Variants in BICC1 observed in about 807,000 individuals in gnomAD.
BICC1 encodes BicC family RNA binding protein 1.
A neutral mutation model predicts 111.0 loss-of-function variants in BICC1; 43 were observed. That is an observed-to-expected ratio of 0.39 (90% confidence interval 0.30 to 0.50). The LOEUF (loss-of-function observed/expected upper bound fraction) is 0.50. BICC1 is among the 20% of genes least tolerant of loss of function. The pLI is 0.88. For missense variants in BICC1, 1,091 were observed against 1,203.2 expected (o/e 0.91, Z 1.38); for synonymous variants, 467 against 434.4 (o/e 1.07, Z -0.93).
intron 3 of BICC1, among the ~76,000 whole-genome samples, chr10:58,713,554 A>T (rs1458800451): frequency 1.3e-5 from 2 of 152,344 alleles, no homozygotes; most frequent in South Asian, 2.1e-4. Context: ...ATTGTAAGTG[A>T]TGTAGTTTGG....
chr10:58,540,427 GAA>G (rs909441983), intron 1 of BICC1, among the ~76,000 whole-genome samples: 3 of 151,726 alleles, frequency 2.0e-5, no homozygotes, highest in African/African-American at 7.3e-5. Context: ...AGAAAAGAAA[GAA>G]GAGACATTAC....
At chr10:58,732,491 G>A (rs886938613) in intron 3 of BICC1, among the ~76,000 whole-genome samples, 1 of 144,138 alleles carries the variant, frequency 6.9e-6, no homozygotes, top group African/African-American at 2.6e-5. Context: ...AGTTAAGTTT[G>A]CCTTCTCAGC....
intron 1 of BICC1, among the ~76,000 whole-genome samples, chr10:58,591,722 T>C (rs957885485): frequency 5.9e-5 from 9 of 152,220 alleles, no homozygotes; most frequent in African/African-American, 2.2e-4. Flanking sequence ...TGCTGTGTGC[T>C]CTGTTCTCTC....
At chr10:58,598,945 A>G (rs1200314884) in intron 1 of BICC1, among the ~76,000 whole-genome samples, 1 of 152,244 alleles carries the variant, frequency 6.6e-6, no homozygotes, top group African/African-American at 2.4e-5. Context: ...AATCAAAACC[A>G]TAATGAGATA....
At chr10:58,533,920 C>G (rs1424118069) in intron 1 of BICC1, among the ~76,000 whole-genome samples, 4 of 151,876 alleles carry the variant, frequency 2.6e-5, no homozygotes, top group South Asian at 2.1e-4. Context: ...TAAGTTCTTA[C>G]CTATCAGTAA....
intron 1 of BICC1, among the ~76,000 whole-genome samples, chr10:58,587,023 C>G (rs2132028687): frequency 6.6e-6 from 1 of 152,240 alleles, no homozygotes; most frequent in East Asian, 1.9e-4. Context: ...TAAGAATGTT[C>G]TTTACTGTGG....
chr10:58,705,665 T>C lies in BICC1; in HGVS notation c.307+3522T>C, dbSNP rs182844214. 5.9e-5 allele frequency among the ~76,000 whole-genome samples: 9 copies of C among 152,362 alleles called. 1 individual carries two copies. Among genetic ancestry groups the C allele is most frequent in the African/African-American group, 2.2e-4 (9 of 41,592 alleles). On this transcript the variant is annotated intron_variant, in intron 3 of 20. Transcript: ENST00000373886. Reference sequence around the variant, plus strand: ...AGGGCATTTTAGGGAAGTGCATGTTTTGTGATATAAACTAAGGAACTATAG... The same window carrying C: ...AGGGCATTTTAGGGAAGTGCATGTTCTGTGATATAAACTAAGGAACTATAG...
intron 20 of BICC1, among the ~76,000 whole-genome samples, chr10:58,827,771 A>C (rs72804455): frequency 0.014 from 2,100 of 152,278 alleles, 29 homozygotes; most frequent in African/African-American, 0.036. Context: ...AAAAGCAAAA[A>C]TGGCAGACAG....
chr10:58,713,159 A>G (rs1297879916), intron 3 of BICC1, among the ~76,000 whole-genome samples: 1 of 152,132 alleles, frequency 6.6e-6, no homozygotes, highest in Admixed American at 6.5e-5. Context: ...AGTAAAACAC[A>G]CCCAGTTATT....
intron 3 of BICC1, among the ~76,000 whole-genome samples, chr10:58,783,328 T>C (rs2132776162): frequency 6.6e-6 from 1 of 152,308 alleles, no homozygotes; most frequent in South Asian, 2.1e-4. Flanking sequence ...TTCACCATCC[T>C]GGTCCTAGCA....
chr10:58,716,840 A>G (rs1312796238), intron 3 of BICC1, among the ~76,000 whole-genome samples: 1 of 151,368 alleles, frequency 6.6e-6, no homozygotes, highest in Non-Finnish European at 1.5e-5. Flanking sequence ...ATCCTCACAC[A>G]TCCTGTATTA....
At chr10:58,818,595 G>A (rs1213645840) in intron 19 of BICC1, among the ~76,000 whole-genome samples, 1 of 152,030 alleles carries the variant, frequency 6.6e-6, no homozygotes, top group African/African-American at 2.4e-5. Context: ...ACTGCCCATG[G>A]TCCAATAAAT....
chr10:58,676,295 G>T (rs988073176), intron 2 of BICC1, among the ~76,000 whole-genome samples: 4 of 152,160 alleles, frequency 2.6e-5, no homozygotes, highest in Non-Finnish European at 4.4e-5. Context: ...ACCCTGGAAG[G>T]GGGGCTGAAG....
At chr10:58,744,630 A>G (rs1041918699) in intron 3 of BICC1, among the ~76,000 whole-genome samples, 1 of 152,184 alleles carries the variant, frequency 6.6e-6, no homozygotes, top group Non-Finnish European at 1.5e-5. Flanking sequence ...GCCATTGAAG[A>G]GGAAGCATAA....
chr10:58,600,089 A>G (rs1429627734), intron 1 of BICC1, among the ~76,000 whole-genome samples: 3 of 152,016 alleles, frequency 2.0e-5, no homozygotes, highest in Non-Finnish European at 4.4e-5. Flanking sequence ...GCTGATGGGG[A>G]AGCTTTTGCT....
Position 58,686,620 on chromosome 10 carries a change from T to A in BICC1, c.238-15454T>A, listed in dbSNP as rs938953065. ...TTCTTACTTCATTTCATTCATTTGA[T>A]CTTCAATCACTTATACCCTTTCTTA... On this transcript the variant is annotated intron_variant, in intron 2 of 20. Transcript: ENST00000373886. Among the ~76,000 whole-genome samples the A allele has an allele frequency of 3.9e-5, 6 of 152,132 alleles. No individual in the cohort carries two copies. The South Asian group carries it at 6.2e-4, about 16-fold the overall frequency.
intron 1 of BICC1, among the ~76,000 whole-genome samples, chr10:58,521,677 T>A (rs1199337206): frequency 6.6e-6 from 1 of 150,728 alleles, no homozygotes; most frequent in African/African-American, 2.4e-5. Flanking sequence ...TGCTGAAAAA[T>A]TGAAGTGAAT....
intron 2 of BICC1, among the ~76,000 whole-genome samples, chr10:58,695,644 C>T (rs1259701891): frequency 6.6e-6 from 1 of 152,106 alleles, no homozygotes; most frequent in Non-Finnish European, 1.5e-5. Flanking sequence ...AACTTAACGT[C>T]GGGAGCGAAG....
intron 2 of BICC1, among the ~76,000 whole-genome samples, chr10:58,687,479 A>G (rs1454211811): frequency 6.6e-6 from 1 of 152,216 alleles, no homozygotes; most frequent in Admixed American, 6.5e-5. Flanking sequence ...TGGAGTCTAC[A>G]GAGGGAGGCA....
Sources: allele counts gnomAD v4.1 joint callset (sites outside exome capture counted in the v4.1 genomes callset), GRCh38; gene constraint gnomAD v4.1.1; transcripts MANE v1.5; gene names NCBI Gene and HGNC (gene_info 2026-07-23, HGNC 2026-07-21).